The following TAMM41 variants were observed in gnomAD, a reference collection of about 807,000 sequenced individuals.
The protein encoded by TAMM41 is phosphatidate cytidylyltransferase, mitochondrial.
In TAMM41, 36 loss-of-function variants were observed where a neutral mutation model predicts 44.1. That is an observed-to-expected ratio of 0.82 (90% CI 0.63 to 1.08). TAMM41 has a LOEUF of 1.08. Among genes scored for constraint, TAMM41 ranks in the 50% least tolerant of loss-of-function variants. TAMM41 has a pLI of 0.00. For missense variants in TAMM41, 417 were observed against 404.3 expected (o/e 1.03, Z -0.27); for synonymous variants, 164 against 153.1 (o/e 1.07, Z -0.53).
At chr3:11,780,088 A>T in the TAMM41 span, among the ~76,000 whole-genome samples, 1 of 152,168 alleles carries the variant, frequency 6.6e-6, no homozygotes, top group Non-Finnish European at 1.5e-5. Flanking sequence ...TATTCTCCAT[A>T]GTGCAGCCAC....
intron 1 of TAMM41, chr3:11,844,854 T>C (rs1458113961): frequency 2.2e-6 from 1 of 453,764 alleles, no homozygotes; most frequent in Non-Finnish European, 4.4e-6. Flanking sequence ...AAATTATCAC[T>C]ACATTGACTT....
chr3:11,743,340 T>C, the TAMM41 span, among the ~76,000 whole-genome samples: 1 of 151,460 alleles, frequency 6.6e-6, no homozygotes, highest in African/African-American at 2.4e-5. Context: ...AATCTCTTTT[T>C]TTTTTTTTTT....
the TAMM41 span, among the ~76,000 whole-genome samples, chr3:11,741,453 G>C: frequency 6.7e-6 from 1 of 149,364 alleles, no homozygotes; most frequent in Non-Finnish European, 1.5e-5. Flanking sequence ...ATCACCTTGG[G>C]GACTAAGTTA....
chr3:11,731,213 A>C, the TAMM41 span, among the ~76,000 whole-genome samples: 2 of 152,196 alleles, frequency 1.3e-5, no homozygotes, highest in African/African-American at 4.8e-5. Flanking sequence ...TATATAACTA[A>C]ATGACCAGAT....
At chr3:11,842,718 G>A (rs1575730863) in intron 2 of TAMM41, among the ~76,000 whole-genome samples, 1 of 144,154 alleles carries the variant, frequency 6.9e-6, no homozygotes, top group South Asian at 2.3e-4. Flanking sequence ...AAAAAAAAAA[G>A]GCAGAATCTC....
the TAMM41 span, among the ~76,000 whole-genome samples, chr3:11,783,510 A>G: frequency 1.3e-5 from 2 of 152,218 alleles, no homozygotes; most frequent in African/African-American, 4.8e-5. Flanking sequence ...TAGGAATCAG[A>G]CTTTTCATGA....
chr3:11,784,509 A>T, the TAMM41 span, among the ~76,000 whole-genome samples: 8 of 152,062 alleles, frequency 5.3e-5, no homozygotes, highest in Admixed American at 5.2e-4. Flanking sequence ...AACAAAAGAA[A>T]CCAAAACCAA....
chr3:11,722,543 T>A, the TAMM41 span, among the ~76,000 whole-genome samples: 3 of 152,176 alleles, frequency 2.0e-5, no homozygotes, highest in Non-Finnish European at 2.9e-5. Flanking sequence ...ACATACAGCA[T>A]AATACTCTAT....
At chr3:11,758,676 TTC>T in the TAMM41 span, among the ~76,000 whole-genome samples, 1 of 151,158 alleles carries the variant, frequency 6.6e-6, no homozygotes, top group African/African-American at 2.4e-5. Context: ...TAGTTTTTAA[TTC>T]TGTTTTTGTT....
chr3:11,846,656 G>A lies in TAMM41; in HGVS notation c.-20C>T, dbSNP rs373792994. The stretch of plus-strand genomic sequence containing the variant: ...CGCCATGGGGTCGAGGCTAACAGGG[G>A]ACACTCAGCGCAGCAGGGCGAGGAC... On this transcript the variant is annotated 5_prime_UTR_variant, in exon 1 of 8. Coordinates refer to ENST00000455809, the MANE Select transcript of TAMM41 (RefSeq NM_001284401.2). 4 of 1,614,094 alleles carry A rather than the reference G, an allele frequency of 2.5e-6. No individual in the cohort carries two copies. Among genetic ancestry groups the A allele is most frequent in the Admixed American group, 1.7e-5 (1 of 60,032 alleles).
chr3:11,772,496 A>G, the TAMM41 span, among the ~76,000 whole-genome samples: 1 of 152,114 alleles, frequency 6.6e-6, no homozygotes, highest in Non-Finnish European at 1.5e-5. Flanking sequence ...AATGGCCTCC[A>G]GTTCCATGTT....
At chr3:11,754,279 C>A in the TAMM41 span, among the ~76,000 whole-genome samples, 1 of 151,888 alleles carries the variant, frequency 6.6e-6, no homozygotes, top group Non-Finnish European at 1.5e-5. Context: ...GACCCACTAC[C>A]CAGGCATCTA....
At chr3:11,802,201 T>C (rs1018766926) in intron 7 of TAMM41, among the ~76,000 whole-genome samples, 2 of 152,154 alleles carry the variant, frequency 1.3e-5, no homozygotes, top group South Asian at 4.1e-4. Context: ...GCCTGAGTGA[T>C]AGAGCCAGAC....
the TAMM41 span, among the ~76,000 whole-genome samples, chr3:11,728,637 C>A: frequency 2.0e-4 from 30 of 152,298 alleles, no homozygotes; most frequent in African/African-American, 6.7e-4. Flanking sequence ...GTGACCTGAG[C>A]TTCATGCCCC....
the TAMM41 span, among the ~76,000 whole-genome samples, chr3:11,730,764 GA>G: frequency 4.6e-5 from 7 of 151,898 alleles, no homozygotes; most frequent in Admixed American, 2.0e-4. Flanking sequence ...AAAACAAAAA[GA>G]AAAAAAATTG....
At chr3:11,824,388 G>C (rs1367969542) in intron 4 of TAMM41, among the ~76,000 whole-genome samples, 1 of 106,082 alleles carries the variant, frequency 9.4e-6, no homozygotes, top group Non-Finnish European at 1.8e-5. Flanking sequence ...TTGTGACAAA[G>C]TCTCGCTCTG....
At chr3:11,816,175 A>G (rs955590655) in intron 5 of TAMM41, among the ~76,000 whole-genome samples, 24 of 152,120 alleles carry the variant, frequency 1.6e-4, no homozygotes, top group African/African-American at 5.3e-4. Flanking sequence ...TGGATGGAGA[A>G]GAGCATAAAT....
At chr3:11,725,283 CCTTCTCCTT>C in the TAMM41 span, among the ~76,000 whole-genome samples, 72 of 139,696 alleles carry the variant, frequency 5.2e-4, no homozygotes, top group African/African-American at 1.7e-3. Context: ...CTCTTCTCCT[CCTTCTCCTT>C]CTTCTCCTCC....
chr3:11,758,799 G>T, the TAMM41 span, among the ~76,000 whole-genome samples: 2 of 152,144 alleles, frequency 1.3e-5, no homozygotes, highest in South Asian at 4.1e-4. Context: ...TCAGCCTCCT[G>T]AGTAACTGGG....
Sources: gnomAD v4.1 joint callset for allele counts (sites outside exome capture counted in the v4.1 genomes callset) on GRCh38, gnomAD v4.1.1 for gene constraint, MANE v1.5 for transcripts, NCBI Gene and HGNC (gene_info 2026-07-23, HGNC 2026-07-21) for gene names.